The following GRIK2 variants were observed in gnomAD, a reference collection of about 807,000 sequenced individuals.
GRIK2 encodes glutamate ionotropic receptor kainate type subunit 2, also known as glutamate receptor ionotropic, kainate 2.
GRIK2 carries 32 observed loss-of-function variants against 100.3 expected under a neutral mutation model. The observed-to-expected ratio is 0.32, with a 90% CI of 0.24 to 0.43. The LOEUF (loss-of-function observed/expected upper bound fraction) is 0.43, where lower values mean the gene tolerates loss of function less well. Among genes scored for constraint, GRIK2 ranks in the 20% least tolerant of loss-of-function variants. The probability of loss-of-function intolerance (pLI) is 1.00; values close to 1 mark genes in which losing one functional copy is unlikely to be tolerated. For missense variants in GRIK2, 843 were observed against 1,114.9 expected, an observed-to-expected ratio of 0.76 and a Z score of 3.47; for synonymous variants, 417 against 389.4, an observed-to-expected ratio of 1.07 and a Z score of -0.83.
At chr6:101,915,988 T>C (rs574199637) in intron 12 of GRIK2, among the ~76,000 whole-genome samples, 62 of 151,532 alleles carry the variant, frequency 4.1e-4, no homozygotes, top group Non-Finnish European at 1.0e-4. Context: ...TCTTCATGGA[T>C]TTAAAGAGAT....
chr6:101,475,401 A>G (rs1772175949), intron 2 of GRIK2, among the ~76,000 whole-genome samples: 1 of 152,008 alleles, frequency 6.6e-6, no homozygotes, highest in Admixed American at 6.6e-5. Context: ...CATGAAATGT[A>G]TTGGAGAGGA....
chr6:101,630,260 T>A (rs1047419685), intron 4 of GRIK2, among the ~76,000 whole-genome samples: 1 of 152,144 alleles, frequency 6.6e-6, no homozygotes, highest in African/African-American at 2.4e-5. Flanking sequence ...CAAATGTCGT[T>A]CTATGTTTAG....
intron 2 of GRIK2, among the ~76,000 whole-genome samples, chr6:101,573,307 G>A (rs192071312): frequency 1.3e-5 from 2 of 152,254 alleles, no homozygotes; most frequent in Non-Finnish European, 1.5e-5. Flanking sequence ...ACTCAGACAT[G>A]CTTGGGGTTG....
intron 2 of GRIK2, among the ~76,000 whole-genome samples, chr6:101,498,670 T>G (rs1773583120): frequency 6.6e-6 from 1 of 151,830 alleles, no homozygotes; most frequent in South Asian, 2.1e-4. Flanking sequence ...TGTCTTCTTT[T>G]GAGAAGTGTC....
intron 11 of GRIK2, among the ~76,000 whole-genome samples, chr6:101,863,395 C>T (rs1363454095): frequency 6.6e-6 from 1 of 152,136 alleles, no homozygotes; most frequent in Non-Finnish European, 1.5e-5. Flanking sequence ...TAATGTCCAT[C>T]CCCAGAGTTC....
intron 7 of GRIK2, among the ~76,000 whole-genome samples, chr6:101,687,124 A>C (rs1288351652): frequency 6.6e-6 from 1 of 152,050 alleles, no homozygotes; most frequent in Non-Finnish European, 1.5e-5. Flanking sequence ...TATATTTTTT[A>C]TACTAAATCC....
rs181919778 is a variant in GRIK2, at chr6:101,396,359, A to G, written c.-294+2522A>G. ...AATTGAAAGTGATAACTAATTGTAC[A>G]TTTAAAAAATGTCTTTAGCCACTGA... On this transcript the variant is annotated intron_variant, in intron 1 of 16. Transcript: ENST00000369134. 1.5e-4 allele frequency among the ~76,000 whole-genome samples: 23 copies of G among 152,138 alleles called. No individual in the cohort carries two copies. In the East Asian group the frequency reaches 4.4e-3, roughly 29 times the overall value.
At position 101,515,768 on chromosome 6, in the gene GRIK2, T is replaced by C. The variant is rs534857092; in HGVS notation, c.116-106181T>C. ...ACCCACTTTTTGATGGGATTGTTTG[T>C]TTTTATCTTACCGATTTGTTTGAGT... On this transcript the variant is annotated intron_variant, in intron 2 of 16. Coordinates refer to ENST00000369134, the MANE Select transcript of GRIK2 (RefSeq NM_021956.5). 5.3e-4 allele frequency among the ~76,000 whole-genome samples: 81 copies of C among 152,276 alleles called. No homozygotes were observed. In the Middle Eastern group the frequency reaches 0.027, roughly 51 times the overall value.
chr6:101,929,561 A>C (rs1278241361), intron 14 of GRIK2, among the ~76,000 whole-genome samples: 2 of 152,200 alleles, frequency 1.3e-5, no homozygotes, highest in African/African-American at 4.8e-5. Flanking sequence ...GCCAGAAGTT[A>C]CACGACACAT....
At chr6:102,034,261 G>A (rs76687490) in intron 14 of GRIK2, among the ~76,000 whole-genome samples, 1,950 of 151,366 alleles carry the variant, frequency 0.013, 60 homozygotes, top group East Asian at 0.099. Context: ...AACAGTGCCA[G>A]GATTTTTCTC....
intron 2 of GRIK2, among the ~76,000 whole-genome samples, chr6:101,546,966 G>A (rs1776272992): frequency 6.7e-6 from 1 of 148,604 alleles, no homozygotes; most frequent in Non-Finnish European, 1.5e-5. Flanking sequence ...AAGTAGCTGG[G>A]ACTACAGGCG....
At chr6:101,397,940 A>C (rs1054623598) in intron 1 of GRIK2, among the ~76,000 whole-genome samples, 1 of 151,968 alleles carries the variant, frequency 6.6e-6, no homozygotes, top group African/African-American at 2.4e-5. Context: ...ATTTTTAATA[A>C]ATAGACAGAA....
At chr6:101,697,391 A>C (rs921524304) in intron 7 of GRIK2, among the ~76,000 whole-genome samples, 1 of 150,018 alleles carries the variant, frequency 6.7e-6, no homozygotes, top group Non-Finnish European at 1.5e-5. Flanking sequence ...GTTGGATACA[A>C]TCATAAGAAG....
intron 2 of GRIK2, among the ~76,000 whole-genome samples, chr6:101,449,502 CA>C (rs1770551725): frequency 6.6e-6 from 1 of 151,576 alleles, no homozygotes; most frequent in South Asian, 2.1e-4. Context: ...TTTTACACAA[CA>C]AGGGAGGCTT....
intron 4 of GRIK2, among the ~76,000 whole-genome samples, chr6:101,652,152 A>G (rs1781827271): frequency 6.6e-6 from 1 of 152,156 alleles, no homozygotes; most frequent in Non-Finnish European, 1.5e-5. Flanking sequence ...GTGAGAATGC[A>G]AGGTGCAGTC....
intron 10 of GRIK2, among the ~76,000 whole-genome samples, chr6:101,822,307 A>G (rs890025877): frequency 1.3e-5 from 2 of 151,700 alleles, no homozygotes; most frequent in African/African-American, 4.8e-5. Context: ...CTTAATATAC[A>G]GGGTAATTTT....
chr6:101,827,383 G>A (rs9498725), intron 10 of GRIK2, among the ~76,000 whole-genome samples: 10,698 of 151,744 alleles, frequency 0.071, 400 homozygotes, highest in African/African-American at 0.088. Context: ...AATAAGCATG[G>A]TTTATTAAAA....
intron 7 of GRIK2, among the ~76,000 whole-genome samples, chr6:101,776,573 A>C (rs960969815): frequency 6.6e-6 from 1 of 152,178 alleles, no homozygotes; most frequent in Non-Finnish European, 1.5e-5. Context: ...ACTAGAAAAA[A>C]TAATAGTCAT....
At chr6:102,005,395 A>C (rs962021201) in intron 14 of GRIK2, among the ~76,000 whole-genome samples, 1 of 151,974 alleles carries the variant, frequency 6.6e-6, no homozygotes, top group Non-Finnish European at 1.5e-5. Context: ...AATTTTATTG[A>C]TATTATACAA....
Sources: allele counts gnomAD v4.1 joint callset (sites outside exome capture counted in the v4.1 genomes callset), GRCh38; gene constraint gnomAD v4.1.1; transcripts MANE v1.5; gene names NCBI Gene and HGNC (gene_info 2026-07-23, HGNC 2026-07-21).